The following KANK1 variants were observed in gnomAD, a reference collection of about 807,000 sequenced individuals.
KANK1 encodes the protein KN motif and ankyrin repeat domains 1.
Under a neutral mutation model 106.2 loss-of-function variants are expected in KANK1, and 109 were observed. The observed-to-expected ratio is 1.03, with a 90% CI of 0.88 to 1.20. KANK1 has a LOEUF of 1.20. Ranked by LOEUF, KANK1 falls within the 50% of genes most tolerant of loss-of-function variation. KANK1 has a pLI of 0.00. For missense variants in KANK1, 2,399 were observed against 1,710.7 expected, an observed-to-expected ratio of 1.40 and a Z score of -7.10; for synonymous variants, 873 against 652.2, an observed-to-expected ratio of 1.34 and a Z score of -5.16.
chr9:717,658 TTC>T (rs1187499337), intron 3 of KANK1, among the ~76,000 whole-genome samples: 4 of 152,200 alleles, frequency 2.6e-5, no homozygotes, highest in African/African-American at 9.6e-5. Context: ...GGAAATGAGT[TTC>T]TGTTATAACA....
At chr9:689,240 A>G (rs1819291756) in intron 2 of KANK1, among the ~76,000 whole-genome samples, 2 of 152,170 alleles carry the variant, frequency 1.3e-5, no homozygotes. Context: ...CCCATGCGAC[A>G]CTAGTTTTAA....
rs115957800 is a variant in KANK1, at chr9:557,120, C to A, written c.-84+52366C>A. On this transcript the variant is annotated intron_variant, in intron 1 of 11. Transcript: ENST00000382297. The stretch of plus-strand genomic sequence containing the variant: ...ATCACATGAGCCTGAGAGGTTGAGC[C>A]TGCAGTGAGATGAAATTGCGCCAGT... 5.0e-3 allele frequency among the ~76,000 whole-genome samples: 749 copies of A among 150,536 alleles called. 4 individuals are homozygous for A. Among genetic ancestry groups the A allele is most frequent in the African/African-American group, 0.018 (729 of 40,866 alleles).
At chr9:691,626 T>TTTTTTTTTTG in intron 2 of KANK1, among the ~76,000 whole-genome samples, 1 of 147,258 alleles carries the variant, frequency 6.8e-6, no homozygotes, top group Non-Finnish European at 1.5e-5. Flanking sequence ...TTTTTTTTTT[T>TTTTTTTTTTG]TTTTGAGACC....
chr9:641,281 T>C (rs1003255968), intron 1 of KANK1, among the ~76,000 whole-genome samples: 2 of 152,220 alleles, frequency 1.3e-5, no homozygotes, highest in South Asian at 2.1e-4. Context: ...ATGTGTATAA[T>C]CTGTCTTTAT....
intron 1 of KANK1, among the ~76,000 whole-genome samples, chr9:593,451 TCC>T (rs34970472): frequency 2.1e-4 from 29 of 140,706 alleles, no homozygotes; most frequent in Middle Eastern, 3.5e-3. Context: ...CTTTATACAT[TCC>T]CCCCCCCCAT....
At chr9:628,589 A>G (rs1054192986) in intron 1 of KANK1, among the ~76,000 whole-genome samples, 1 of 152,210 alleles carries the variant, frequency 6.6e-6, no homozygotes, top group Non-Finnish European at 1.5e-5. Context: ...CACTTGAACC[A>G]CAGTGGTGGT....
chr9:667,035 T>C (rs992087318), intron 1 of KANK1, among the ~76,000 whole-genome samples: 10 of 150,730 alleles, frequency 6.6e-5, no homozygotes, highest in African/African-American at 2.4e-4. Flanking sequence ...GTAGAATTAT[T>C]ATAGTTCTTC....
At chr9:605,771 G>A (rs1438356736) in intron 1 of KANK1, among the ~76,000 whole-genome samples, 1 of 151,696 alleles carries the variant, frequency 6.6e-6, no homozygotes, top group Non-Finnish European at 1.5e-5. Context: ...CCAGTGGCCC[G>A]CTCTCCCTCA....
At position 595,029 on chromosome 9, in the gene KANK1, A is replaced by T. The variant is rs1017202943; in HGVS notation, c.-83-81861A>T. Among the ~76,000 whole-genome samples, 6 of 152,088 alleles carry T rather than the reference A, an allele frequency of 3.9e-5. No homozygotes were observed. The East Asian group carries it at 1.2e-3, about 29-fold the overall frequency. On this transcript the variant is annotated intron_variant, in intron 1 of 11. Coordinates refer to ENST00000382297, the MANE Select transcript of KANK1 (RefSeq NM_015158.5). ...AGAACGCAGATTCGAAAAGAAAAAA[A>T]AGAATTTTTAGAAAAGTTGCCTTTT...
chr9:712,608 ACT>A lies in KANK1; in HGVS notation c.1844_1845del (p.Leu615ProfsTer21). The A allele has an allele frequency of 6.2e-7, 1 of 1,614,044 alleles. No individual in the cohort carries two copies. On this transcript the variant is annotated frameshift_variant, in exon 3 of 12. Coordinates refer to ENST00000382297, the MANE Select transcript of KANK1 (RefSeq NM_015158.5). LOFTEE classifies it high-confidence loss of function. ...NTEESVNDLT[L>X]LKTNLNLKEV... is the part of the protein sequence containing the mutation. ...CAGAGGAGTCTGTGAACGACCTCAC[ACT>A]CCTCAAGACAAACTTGAATCTCAAA...
intron 9 of KANK1, among the ~76,000 whole-genome samples, 178 bp downstream of exon 9, chr9:741,112 A>C (rs569354451): frequency 6.6e-6 from 1 of 152,296 alleles, no homozygotes; most frequent in East Asian, 1.9e-4. Flanking sequence ...CATACCAGGG[A>C]AATATGGGCT....
rs181670753 is a variant in KANK1 at position 728,361 on chromosome 9, C to G, written c.2699-1690C>G. Among the ~76,000 whole-genome samples the G allele has an allele frequency of 2.1e-4, 32 of 152,254 alleles. No homozygotes were observed. The East Asian group carries it at 6.0e-3, about 29-fold the overall frequency. ...TACAGGCACCCCCCACCATGCGTGG[C>G]TAATTTTTGTATTTTTAGTAGAGAC... On this transcript the variant is annotated intron_variant, in intron 3 of 11. Coordinates refer to ENST00000382297, the MANE Select transcript of KANK1 (RefSeq NM_015158.5).
chr9:476,477 C>T (rs757670650), intron 3 of KANK1, among the ~76,000 whole-genome samples: 19 of 150,344 alleles, frequency 1.3e-4, no homozygotes, highest in South Asian at 4.2e-4. Flanking sequence ...GCTGAGATCA[C>T]GCCACTGCAC....
chr9:713,322 C>T lies in KANK1; in HGVS notation c.2556C>T (p.Phe852=), dbSNP rs149371668. The change falls in exon 3 of 12, where the codon TTC becomes TTT. Residue 852 remains phenylalanine (F), a synonymous_variant. Coordinates refer to ENST00000382297, the MANE Select transcript of KANK1 (RefSeq NM_015158.5). ...AENYSELAEA[F]GEPHSQMGSL... is the part of the protein sequence containing the mutation. ...ACTACAGTGAACTGGCAGAAGCTTTCGGGGAACCTCACTCACAGATGGGCT... is the reference window on the plus strand; with the variant it reads ...ACTACAGTGAACTGGCAGAAGCTTTTGGGGAACCTCACTCACAGATGGGCT... The T allele has an allele frequency of 1.7e-4, 270 of 1,614,162 alleles. 1 individual carries two copies. Among genetic ancestry groups the T allele is most frequent in the Admixed American group, 7.7e-4 (46 of 60,034 alleles).
At chr9:532,684 C>T (rs2060120857) in intron 1 of KANK1, among the ~76,000 whole-genome samples, 1 of 152,238 alleles carries the variant, frequency 6.6e-6, no homozygotes, top group African/African-American at 2.4e-5. Context: ...CTTATTTGCC[C>T]TTTAAGCCTT....
chr9:593,466 A>T (rs1367170321), intron 1 of KANK1, among the ~76,000 whole-genome samples: 1 of 128,244 alleles, frequency 7.8e-6, no homozygotes, highest in African/African-American at 3.4e-5. Context: ...CCCCCCATAT[A>T]CTTGCATTTT....
chr9:474,918 T>C (rs1205297129), intron 3 of KANK1, among the ~76,000 whole-genome samples: 2 of 152,158 alleles, frequency 1.3e-5, no homozygotes, highest in Non-Finnish European at 2.9e-5. Flanking sequence ...TCTGATGGTG[T>C]ACTTGTTACA....
At chr9:484,600 A>G (rs185417804) in intron 3 of KANK1, 118 of 152,362 alleles carry the variant, frequency 7.7e-4, no homozygotes, top group African/African-American at 2.7e-3. Flanking sequence ...AAAAGCATTG[A>G]CAAACAAGTT....
At position 605,685 on chromosome 9, in the gene KANK1, G is replaced by A. The variant is rs929697895; in HGVS notation, c.-83-71205G>A. 4.6e-5 allele frequency among the ~76,000 whole-genome samples: 7 copies of A among 151,784 alleles called. 1 individual carries two copies. Among genetic ancestry groups the A allele is most frequent in the Non-Finnish European group, 8.8e-5 (6 of 68,036 alleles). ...GTGCCATGCCATAGCAAAATTCTGG[G>A]TTTTAAAAGAGAATAAGCATGATCA... On this transcript the variant is annotated intron_variant, in intron 1 of 11. Transcript: ENST00000382297.
Sources: allele counts gnomAD v4.1 joint callset (sites outside exome capture counted in the v4.1 genomes callset), GRCh38; gene constraint gnomAD v4.1.1; transcripts MANE v1.5; gene names NCBI Gene and HGNC (gene_info 2026-07-23, HGNC 2026-07-21).